NKD1: variants seen among roughly 807,000 people sequenced by gnomAD.
NKD1 encodes NKD inhibitor of Wnt signaling pathway 1.
NKD1 carries 21 observed loss-of-function variants against 56.0 expected under a neutral mutation model. The observed-to-expected ratio is 0.38, with a 90% CI of 0.27 to 0.54. The LOEUF (loss-of-function observed/expected upper bound fraction) is 0.54, where lower values mean the gene tolerates loss of function less well. NKD1 is among the 20% of genes least tolerant of loss of function. NKD1 has a pLI of 0.82. For missense variants in NKD1, 578 were observed against 642.7 expected (o/e 0.90, Z 1.09); for synonymous variants, 263 against 265.7 (o/e 0.99, Z 0.10).
Position 50,549,405 on chromosome 16 carries a change from TGTC to T in NKD1, c.59-13_59-11del, listed in dbSNP as rs887960464. Reference sequence around the variant, plus strand: ...CCTGGAGCCAGACTCAGGGGCTTCATGTCGTCCCCGTCCCAGGTGACAGCTTCG... The same window carrying T: ...CCTGGAGCCAGACTCAGGGGCTTCATGTCCCCGTCCCAGGTGACAGCTTCG... On this transcript the variant is annotated splice_polypyrimidine_tract_variant and intron_variant, in intron 2 of 9. Coordinates refer to ENST00000268459, the MANE Select transcript of NKD1 (RefSeq NM_033119.5). 1 of 1,609,202 alleles carries T rather than the reference TGTC, an allele frequency of 6.2e-7. No homozygotes were observed. The highest frequency in any genetic ancestry group is 8.5e-7 in the Non-Finnish European group (1 of 1,177,856).
chr16:50,595,154 G>A (rs1002167209), intron 3 of NKD1, among the ~76,000 whole-genome samples: 2 of 152,144 alleles, frequency 1.3e-5, no homozygotes, highest in African/African-American at 2.4e-5. Flanking sequence ...GGAACTCATC[G>A]CTCGCTGGTT....
At chr16:50,562,986 A>ACCACCCCCCCCCCCCC (rs1376803515) in intron 3 of NKD1, among the ~76,000 whole-genome samples, 3 of 60,410 alleles carry the variant, frequency 5.0e-5, no homozygotes, top group African/African-American at 2.8e-4. Context: ...TCCCACCACC[A>ACCACCCCCCCCCCCCC]CCCCCCCCCC....
In NKD1 at chr16:50,649,231, T is replaced by TA. The variant is rs908546971; in HGVS notation, c.*15457dup. The TA allele has an allele frequency of 2.6e-5, 4 of 152,154 alleles. No homozygotes were observed. Among genetic ancestry groups the TA allele is most frequent in the African/African-American group, 9.7e-5 (4 of 41,432 alleles). 9.4% of individuals were successfully genotyped at this position (152,154 alleles called of 1,614,324 possible). A position where few individuals can be genotyped will look rare whatever the true frequency, so the allele number is the denominator to read the frequency against. ...CTGATAATTTATAATTATTTCAAAA[T>TA]AAAAAAATTTTAAAAATAGTGGCGT... On this transcript the variant is annotated 3_prime_UTR_variant, in exon 10 of 10. Coordinates refer to ENST00000268459, the MANE Select transcript of NKD1 (RefSeq NM_033119.5).
At chr16:50,603,245 T>A (rs1383447510) in intron 3 of NKD1, among the ~76,000 whole-genome samples, 1 of 152,162 alleles carries the variant, frequency 6.6e-6, no homozygotes, top group African/African-American at 2.4e-5. Context: ...GCCCGGAGCC[T>A]GGGCGTCCCG....
In NKD1 at chr16:50,633,985, A is replaced by C; in HGVS notation, c.*204A>C. 1 of 459,080 alleles carries C rather than the reference A, an allele frequency of 2.2e-6. No homozygotes were observed. Among genetic ancestry groups the C allele is most frequent in the Non-Finnish European group, 3.8e-6 (1 of 261,268 alleles). The allele number at this position is 459,080 out of a possible 1,614,324, so 28.4% of individuals were successfully genotyped here. On this transcript the variant is annotated 3_prime_UTR_variant, in exon 10 of 10. Coordinates refer to ENST00000268459, the MANE Select transcript of NKD1 (RefSeq NM_033119.5). This position sits in a 1 kb window ranked among gnomAD's most constrained non-coding sequence, Gnocchi z 4.9. ...TTTATTTATATGTTGTGGGGACTGC[A>C]TAACTAGCCCAGGAAATGACTCTGG...
At chr16:50,563,541 C>T (rs1960691637) in intron 3 of NKD1, among the ~76,000 whole-genome samples, 1 of 151,220 alleles carries the variant, frequency 6.6e-6, no homozygotes, top group Non-Finnish European at 1.5e-5. Flanking sequence ...ATGGGCACAG[C>T]CCTGGACCCA....
chr16:50,609,323 G>A (rs920860227), intron 4 of NKD1, among the ~76,000 whole-genome samples: 7 of 152,240 alleles, frequency 4.6e-5, no homozygotes, highest in African/African-American at 1.2e-4. Flanking sequence ...TGCCAGGAAC[G>A]GATGACAGCG....
chr16:50,566,205 A>T (rs1282375709), intron 3 of NKD1: 1 of 984,916 alleles, frequency 1.0e-6, no homozygotes, highest in African/African-American at 1.7e-5. Context: ...ACTGTTTCAT[A>T]CAGTCAAGTT....
intron 3 of NKD1, chr16:50,570,707 C>A: frequency 2.3e-6 from 1 of 440,596 alleles, no homozygotes; most frequent in Non-Finnish European, 3.0e-6. Context: ...AGTTATTATT[C>A]ACGTGCTATG....
chr16:50,562,698 G>A (rs1490143849), intron 3 of NKD1, among the ~76,000 whole-genome samples: 1 of 152,128 alleles, frequency 6.6e-6, no homozygotes, highest in African/African-American at 2.4e-5. Context: ...CTAGGCAACA[G>A]CTGGGCCGAC....
At chr16:50,600,373 G>T (rs1399570565) in intron 3 of NKD1, among the ~76,000 whole-genome samples, 1 of 152,020 alleles carries the variant, frequency 6.6e-6, no homozygotes, top group African/African-American at 2.4e-5. Context: ...ATACTCAGGA[G>T]AGTCACTTGA....
rs1354169997 is a variant in NKD1 at position 50,641,151 on chromosome 16, A to G, written c.*7370A>G. On this transcript the variant is annotated 3_prime_UTR_variant, in exon 10 of 10. Coordinates refer to ENST00000268459, the MANE Select transcript of NKD1 (RefSeq NM_033119.5). ...GCTTCTGCAACCTCCAACACTGGTC[A>G]GTAACTCCACAGAGGCCATTGGCGG... is the stretch of plus-strand genomic sequence containing the variant. 2 of 152,362 alleles carry G rather than the reference A, an allele frequency of 1.3e-5. No individual in the cohort carries two copies. Among genetic ancestry groups the G allele is most frequent in the African/African-American group, 4.8e-5 (2 of 41,470 alleles). 9.4% of individuals were successfully genotyped at this position (152,362 alleles called of 1,614,324 possible).
At chr16:50,629,121 A>C (rs1962287736) in intron 6 of NKD1, among the ~76,000 whole-genome samples, 1 of 152,004 alleles carries the variant, frequency 6.6e-6, no homozygotes, top group South Asian at 2.1e-4. Context: ...GTGCACCACC[A>C]CACATGGCTA....
At position 50,548,519 on chromosome 16, in the gene NKD1, G is replaced by A. The variant is rs1960287126; in HGVS notation, c.-35G>A. 2 of 1,439,284 alleles carry A rather than the reference G, an allele frequency of 1.4e-6. No individual in the cohort carries two copies. Among genetic ancestry groups the A allele is most frequent in the African/African-American group, 3.0e-5 (2 of 67,176 alleles). The allele number at this position is 1,439,284 out of a possible 1,614,324, so 89.2% of individuals were successfully genotyped here. A position where few individuals can be genotyped will look rare whatever the true frequency, so the allele number is the denominator to read the frequency against. On this transcript the variant is annotated 5_prime_UTR_variant, in exon 1 of 10. An upstream start codon of the reference 5' UTR is lost. Transcript: ENST00000268459. ...CGCCAGGCCCGCGGGCCGGGCGCAT[G>A]GCTTAGGGACGCTCCCGGCCGCCGC...
intron 3 of NKD1, among the ~76,000 whole-genome samples, chr16:50,565,504 C>T (rs970433977): frequency 3.9e-5 from 6 of 152,002 alleles, no homozygotes; most frequent in Non-Finnish European, 5.9e-5. Flanking sequence ...TGTAGCAGGA[C>T]CCCATCTCTT....
At chr16:50,581,815 C>T (rs1295128458) in intron 3 of NKD1, among the ~76,000 whole-genome samples, 1 of 152,128 alleles carries the variant, frequency 6.6e-6, no homozygotes, top group Non-Finnish European at 1.5e-5. Context: ...CTGGGGAGGG[C>T]AGAATTGTGT....
At chr16:50,594,052 G>T (rs965572957) in intron 3 of NKD1, among the ~76,000 whole-genome samples, 1 of 152,002 alleles carries the variant, frequency 6.6e-6, no homozygotes, top group South Asian at 2.1e-4. Context: ...CCTGAAACGC[G>T]CTGGCTGAAT....
At position 50,608,213 on chromosome 16, in the gene NKD1, G is replaced by T. The variant is rs1042825844; in HGVS notation, c.193-81G>T. On this transcript the variant is annotated intron_variant, in intron 3 of 9. Coordinates refer to ENST00000268459, the MANE Select transcript of NKD1 (RefSeq NM_033119.5). Reference sequence around the variant, plus strand: ...TTCCAATCAGAAGAATCAGCCCAGGGTCCTCATGGCACTGCTTTTAACGTC... The same window carrying T: ...TTCCAATCAGAAGAATCAGCCCAGGTTCCTCATGGCACTGCTTTTAACGTC... 2.8e-4 allele frequency: 256 copies of T among 929,278 alleles called. 3 individuals carry two copies. The Admixed American group carries it at 4.3e-3, about 16-fold the overall frequency. The allele number at this position is 929,278 out of a possible 1,614,324, so 57.6% of individuals were successfully genotyped here. A position where few individuals can be genotyped will look rare whatever the true frequency, so the allele number is the denominator to read the frequency against.
Position 50,643,996 on chromosome 16 carries a change from C to A in NKD1, c.*10215C>A, listed in dbSNP as rs1177864272. 2 of 152,246 alleles carry A rather than the reference C, an allele frequency of 1.3e-5. No homozygotes were observed. Among genetic ancestry groups the A allele is most frequent in the African/African-American group, 4.8e-5 (2 of 41,464 alleles). 9.4% of individuals were successfully genotyped at this position (152,246 alleles called of 1,614,324 possible). A position where few individuals can be genotyped will look rare whatever the true frequency, so the allele number is the denominator to read the frequency against. ...AACATGCACAAAGCATGATGCTAAA[C>A]AGACTGTGAGAAGGATGTTTGTGTA... On this transcript the variant is annotated 3_prime_UTR_variant, in exon 10 of 10. Coordinates refer to ENST00000268459, the MANE Select transcript of NKD1 (RefSeq NM_033119.5).
Sources: gnomAD v4.1 joint callset for allele counts (sites outside exome capture counted in the v4.1 genomes callset) on GRCh38, gnomAD v4.1.1 for gene constraint, Gnocchi (gnomAD v3.1) non-coding constraint, MANE v1.5 for transcripts, NCBI Gene and HGNC (gene_info 2026-07-23, HGNC 2026-07-21) for gene names.